PCDHGB1: variants seen among roughly 807,000 people sequenced by gnomAD.
PCDHGB1 encodes the protein protocadherin gamma subfamily B, 1.
PCDHGB1 carries 34 observed loss-of-function variants against 56.6 expected under a neutral mutation model. The ratio of observed to expected loss-of-function variants is 0.60; its 90% CI spans 0.46 to 0.80. PCDHGB1 has a LOEUF of 0.80. Among genes scored for constraint, PCDHGB1 ranks in the 30% least tolerant of loss-of-function variants. The pLI is 0.00. For missense variants in PCDHGB1, 1,278 were observed against 1,204.6 expected (o/e 1.06, Z -0.90); for synonymous variants, 561 against 505.9 (o/e 1.11, Z -1.46).
intron 1 of PCDHGB1, chr5:141,430,744 C>T: frequency 6.7e-7 from 1 of 1,498,404 alleles, no homozygotes; most frequent in Non-Finnish European, 8.9e-7. Flanking sequence ...GAAAATAATT[C>T]TGGAGGAAGA....
intron 1 of PCDHGB1, chr5:141,365,650 G>C: frequency 6.2e-7 from 1 of 1,613,414 alleles, no homozygotes; most frequent in South Asian, 1.1e-5. Flanking sequence ...ACATCCCCTT[G>C]AAAGTAGCAG....
chr5:141,366,186 T>C, intron 1 of PCDHGB1: 1 of 1,613,974 alleles, frequency 6.2e-7, no homozygotes, highest in Non-Finnish European at 8.5e-7. Context: ...CTCTTTGCGG[T>C]TGGGCTGCAC....
At position 141,359,348 on chromosome 5, in the gene PCDHGB1, T is replaced by C. The variant is rs193044615; in HGVS notation, c.2409+6679T>C. 4.0e-3 allele frequency among the ~76,000 whole-genome samples: 616 copies of C among 152,208 alleles called. 6 individuals carry two copies. The highest frequency in any genetic ancestry group is 0.011 in the Admixed American group (172 of 15,282). On this transcript the variant is annotated intron_variant, in intron 1 of 3. Transcript: ENST00000523390. ...TATATTCCAGAATGAGAGTGCCACA[T>C]GTTTTAAAGGCCTAGGAAAGCAGTA...
chr5:141,496,478 G>A lies in PCDHGB1; in HGVS notation c.2468+1613G>A, dbSNP rs150992994. 7.2e-3 allele frequency among the ~76,000 whole-genome samples: 1,093 copies of A among 152,228 alleles called. 19 individuals are homozygous for A. The highest frequency in any genetic ancestry group is 0.025 in the African/African-American group (1,039 of 41,518). ...CCAAGAGTTATCTTTCCCCCATCCT[G>A]CAACCAACCAAACCCTTGTTGCCAC... is the stretch of plus-strand genomic sequence containing the variant. On this transcript the variant is annotated intron_variant, in intron 2 of 3. Transcript: ENST00000523390.
intron 1 of PCDHGB1, among the ~76,000 whole-genome samples, chr5:141,472,039 A>T (rs913132856): frequency 1.3e-5 from 2 of 152,200 alleles, no homozygotes; most frequent in Non-Finnish European, 2.9e-5. Context: ...AGCTGTGAAA[A>T]GATTTTAAAA....
intron 1 of PCDHGB1, among the ~76,000 whole-genome samples, chr5:141,450,666 T>G (rs1434496607): frequency 6.6e-6 from 1 of 151,890 alleles, no homozygotes; most frequent in African/African-American, 2.4e-5. Context: ...TTTGTACTTT[T>G]AGTAGAAACG....
At chr5:141,394,586 G>A in intron 1 of PCDHGB1, 1 of 1,613,888 alleles carries the variant, frequency 6.2e-7, no homozygotes. Context: ...TGACCAAGGT[G>A]GTGGCGGTGG....
In PCDHGB1 at chr5:141,491,907, G is replaced by A; in HGVS notation, c.2410-2900G>A. 5 of 1,408,726 alleles carry A rather than the reference G, an allele frequency of 3.5e-6. No homozygotes were observed. In the South Asian group the frequency reaches 7.5e-5, roughly 21 times the overall value. The allele number at this position is 1,408,726 out of a possible 1,614,324, so 87.3% of individuals were successfully genotyped here. A position where few individuals can be genotyped will look rare whatever the true frequency, so the allele number is the denominator to read the frequency against. ...TGGGGCTCCGAGCACCGGGGGTGGTGGCGACTGTGGGCGAGGGGAGGTGGG... is the reference window on the plus strand; with the variant it reads ...TGGGGCTCCGAGCACCGGGGGTGGTAGCGACTGTGGGCGAGGGGAGGTGGG... On this transcript the variant is annotated intron_variant, in intron 1 of 3. Coordinates refer to ENST00000523390, the MANE Select transcript of PCDHGB1 (RefSeq NM_018922.3). This position sits in a 1 kb window ranked among gnomAD's most constrained non-coding sequence, Gnocchi z 6.9.
chr5:141,438,583 CATACATACATATATAT>C (rs1183800202), intron 1 of PCDHGB1, among the ~76,000 whole-genome samples: 1 of 57,610 alleles, frequency 1.7e-5, no homozygotes, highest in African/African-American at 9.0e-5. Context: ...TACATACATA[CATACATACATATATAT>C]ATATATATAT....
chr5:141,385,160 C>T lies in PCDHGB1; in HGVS notation c.2409+32491C>T, dbSNP rs765072883. 6.2e-6 allele frequency: 10 copies of T among 1,614,096 alleles called. No individual in the cohort carries two copies. The East Asian group carries it at 2.0e-4, about 32-fold the overall frequency. On this transcript the variant is annotated intron_variant, in intron 1 of 3. Coordinates refer to ENST00000523390, the MANE Select transcript of PCDHGB1 (RefSeq NM_018922.3). ...GTGCAGGCTTTCCTGCAGACCTATT[C>T]CCATGAGGTCTCCCTCACCGCGGAC...
intron 1 of PCDHGB1, chr5:141,403,502 A>G: frequency 6.2e-7 from 1 of 1,613,998 alleles, no homozygotes; most frequent in Non-Finnish European, 8.5e-7. Context: ...GAACGTGCAG[A>G]CTGGAGACAA....
intron 1 of PCDHGB1, among the ~76,000 whole-genome samples, chr5:141,353,186 C>A (rs1033300245): frequency 6.6e-6 from 1 of 151,994 alleles, no homozygotes; most frequent in African/African-American, 2.4e-5. Flanking sequence ...GTATGGTTGG[C>A]AAATCTTGCT....
Position 141,493,022 on chromosome 5 carries a change from G to T in PCDHGB1, c.2410-1785G>T, listed in dbSNP as rs1184742888. ...GCTATAGGCTCTGCCAGATGCCAGG[G>T]TGCCCTTATGTGTGAGGAAACTACA... On this transcript the variant is annotated intron_variant, in intron 1 of 3. Transcript: ENST00000523390. The surrounding 1 kb of genome is among the most constrained non-coding windows in gnomAD (Gnocchi z 4.3). Among the ~76,000 whole-genome samples the T allele has an allele frequency of 1.3e-5, 2 of 152,222 alleles. No individual in the cohort carries two copies. Among genetic ancestry groups the T allele is most frequent in the Admixed American group, 1.3e-4 (2 of 15,282 alleles).
At position 141,487,421 on chromosome 5, in the gene PCDHGB1, C is replaced by A. The variant is rs1365581881; in HGVS notation, c.2410-7386C>A. On this transcript the variant is annotated intron_variant, in intron 1 of 3. Coordinates refer to ENST00000523390, the MANE Select transcript of PCDHGB1 (RefSeq NM_018922.3). This position sits in a 1 kb window ranked among gnomAD's most constrained non-coding sequence, Gnocchi z 5.0. ...GGGGCTTCCCCCTTCCAATGGGATC[C>A]TCCGAATCCAGCTAGGGTCAGATGA... 2 of 1,614,026 alleles carry A rather than the reference C, an allele frequency of 1.2e-6. No individual in the cohort carries two copies. Among genetic ancestry groups the A allele is most frequent in the South Asian group, 1.1e-5 (1 of 91,086 alleles).
chr5:141,394,419 G>A, intron 1 of PCDHGB1: 1 of 1,614,224 alleles, frequency 6.2e-7, no homozygotes, highest in Non-Finnish European at 8.5e-7. Context: ...AACAGCCAGC[G>A]ACAGCGGGGA....
intron 3 of PCDHGB1, 157 bp downstream of exon 3, chr5:141,505,638 T>C: frequency 1.0e-6 from 1 of 968,044 alleles, no homozygotes; most frequent in Non-Finnish European, 1.2e-6. Context: ...ACATAAAGCC[T>C]GGAATTGTGG....
chr5:141,428,624 C>CT, intron 1 of PCDHGB1: 1 of 193,988 alleles, frequency 5.2e-6, no homozygotes, highest in South Asian at 1.1e-4. Context: ...AAGATAAGCT[C>CT]TAACTCTGTT....
intron 1 of PCDHGB1, among the ~76,000 whole-genome samples, chr5:141,426,008 T>G (rs2096909040): frequency 6.6e-6 from 1 of 152,224 alleles, no homozygotes; most frequent in South Asian, 2.1e-4. Context: ...GGCTTCCGGC[T>G]GCAGTTTTCT....
At position 141,409,758 on chromosome 5, in the gene PCDHGB1, C is replaced by A. The variant is rs763902801; in HGVS notation, c.2409+57089C>A. Reference sequence around the variant, plus strand: ...AGCGGGGTGGTGTTCGCGCAGCGCGCCTTTGATCACGAGCAGCTGCGCGCC... The same window carrying A: ...AGCGGGGTGGTGTTCGCGCAGCGCGACTTTGATCACGAGCAGCTGCGCGCC... On this transcript the variant is annotated intron_variant, in intron 1 of 3. Transcript: ENST00000523390. 4 of 1,612,868 alleles carry A rather than the reference C, an allele frequency of 2.5e-6. No homozygotes were observed. In the African/African-American group the frequency reaches 4.0e-5, roughly 16 times the overall value.
Sources: gnomAD v4.1 joint callset for allele counts (sites outside exome capture counted in the v4.1 genomes callset) on GRCh38, gnomAD v4.1.1 for gene constraint, Gnocchi (gnomAD v3.1) non-coding constraint, MANE v1.5 for transcripts, NCBI Gene and HGNC (gene_info 2026-07-23, HGNC 2026-07-21) for gene names.